The following GPR180 variants were observed in gnomAD, a reference collection of about 807,000 sequenced individuals.
GPR180 encodes G protein-coupled receptor 180.
In GPR180, 53 loss-of-function variants were observed where a neutral mutation model predicts 52.6. The observed-to-expected ratio is 1.01, with a 90% CI of 0.81 to 1.27. GPR180 has a LOEUF of 1.27. Among genes scored for constraint, GPR180 ranks in the 50% most tolerant of loss-of-function variants. GPR180 has a pLI of 0.00. For synonymous variants in GPR180, 200 were observed against 193.1 expected, an observed-to-expected ratio of 1.04 and a Z score of -0.30; for missense variants, 533 against 527.0, an observed-to-expected ratio of 1.01 and a Z score of -0.11.
rs1889818997 is a variant in GPR180, at chr13:94,619,172, C to T, written c.528C>T (p.Leu176=). 1 of 1,613,600 alleles carries T rather than the reference C, an allele frequency of 6.2e-7. No homozygotes were observed. The highest frequency in any genetic ancestry group is 1.3e-5 in the African/African-American group (1 of 75,010). The change falls in exon 4 of 9, where the codon CTC becomes CTT. Residue 176 remains leucine, a synonymous_variant. Coordinates refer to ENST00000376958, the MANE Select transcript of GPR180 (RefSeq NM_180989.6). ...CAGGGTTACATGAGTTCTTTTTCCT[C>T]CTAGTCCTAGTGTACTTTGTGATTG... The part of the protein sequence containing the change: ...GESGLHEFFF[L]LVLVYFVIAC...
At chr13:94,621,490 C>T (rs1438755688) in intron 6 of GPR180, among the ~76,000 whole-genome samples, 3 of 152,092 alleles carry the variant, frequency 2.0e-5, no homozygotes, top group African/African-American at 7.2e-5. Flanking sequence ...AATTTGAGCT[C>T]CTATCAGCTT....
At chr13:94,604,314 A>G (rs567584340) in intron 1 of GPR180, among the ~76,000 whole-genome samples, 3 of 150,560 alleles carry the variant, frequency 2.0e-5, no homozygotes, top group East Asian at 2.0e-4. Context: ...AGCCTGGGCA[A>G]TAGGGCGAGA....
chr13:94,630,299 T>C lies in GPR180; in HGVS notation c.*3128T>C, dbSNP rs1889978199. 6.6e-6 allele frequency: 1 copy of C among 152,202 alleles called. No homozygotes were observed. The highest frequency in any genetic ancestry group is 2.4e-5 in the African/African-American group (1 of 41,440). 9.4% of individuals were successfully genotyped at this position (152,202 alleles called of 1,614,324 possible). A position where few individuals can be genotyped will look rare whatever the true frequency, so the allele number is the denominator to read the frequency against. ...TATGTGTTGTGCTGTAGGAGTGCCA[T>C]GAAGCCTGGAGGTGAGGAAAGAAGT... On this transcript the variant is annotated 3_prime_UTR_variant, in exon 9 of 9. Coordinates refer to ENST00000376958, the MANE Select transcript of GPR180 (RefSeq NM_180989.6).
chr13:94,627,288 C>A lies in GPR180; in HGVS notation c.*117C>A. ...GAAAACTTGAACAGCGAAAGCAGAG[C>A]ATGTTATTTATATAACTGCATTTAA... is the stretch of plus-strand genomic sequence containing the variant. On this transcript the variant is annotated 3_prime_UTR_variant, in exon 9 of 9. Transcript: ENST00000376958. The A allele has an allele frequency of 1.3e-6, 1 of 790,790 alleles. No homozygotes were observed. Among genetic ancestry groups the A allele is most frequent in the African/African-American group, 1.8e-5 (1 of 56,300 alleles). 49.0% of individuals were successfully genotyped at this position (790,790 alleles called of 1,614,324 possible).
intron 8 of GPR180, 85 bp downstream of exon 8, chr13:94,626,128 T>TAA: frequency 3.5e-6 from 3 of 855,244 alleles, no homozygotes; most frequent in Non-Finnish European, 5.5e-6. Flanking sequence ...GGGACCTATT[T>TAA]ATTTTTTAAG....
chr13:94,611,247 T>A (rs1889699993), intron 2 of GPR180, among the ~76,000 whole-genome samples: 1 of 152,198 alleles, frequency 6.6e-6, no homozygotes, highest in Non-Finnish European at 1.5e-5. Flanking sequence ...TTTTTTCTGC[T>A]TTTTGTACAC....
In GPR180 at chr13:94,605,466, T is replaced by A; in HGVS notation, c.221T>A (p.Phe74Tyr). The part of the protein sequence containing the change: ...AVGKEAKLYL[F>Y]QAQEWLKLQQ... ...GGAAAAGAAGCTAAACTCTACCTGT[T>A]CCAAGCCCAGGAATGGCTAAAGCTA... Residue 74 changes from phenylalanine (F) to tyrosine (Y), a missense_variant, in exon 2 of 9, where the codon TTC becomes TAC. Transcript: ENST00000376958. 2 of 1,614,096 alleles carry A rather than the reference T, an allele frequency of 1.2e-6. No individual in the cohort carries two copies. The highest frequency in any genetic ancestry group is 8.5e-7 in the Non-Finnish European group (1 of 1,179,946).
At chr13:94,626,104 ATATTT>A (rs1312846001) in intron 8 of GPR180, 61 bp downstream of exon 8, 1 of 1,140,700 alleles carries the variant, frequency 8.8e-7, no homozygotes, top group African/African-American at 1.5e-5. Flanking sequence ...AATTGGGAGA[ATATTT>A]AAATAGGAGG....
intron 3 of GPR180, among the ~76,000 whole-genome samples, chr13:94,618,946 A>T (rs1187197681): frequency 6.6e-6 from 1 of 152,152 alleles, no homozygotes; most frequent in Non-Finnish European, 1.5e-5. Context: ...GTTTGGTTTA[A>T]TCTGCTTTCT....
At chr13:94,622,418 G>A (rs1192667672) in intron 6 of GPR180, among the ~76,000 whole-genome samples, 1 of 152,108 alleles carries the variant, frequency 6.6e-6, no homozygotes, top group East Asian at 1.9e-4. Context: ...GAACATTTAT[G>A]AAGAATACAT....
chr13:94,609,299 A>T (rs1889672791), intron 2 of GPR180, among the ~76,000 whole-genome samples: 1 of 152,176 alleles, frequency 6.6e-6, no homozygotes, highest in African/African-American at 2.4e-5. Context: ...TTAATATTTG[A>T]GGTACTAATT....
rs988854445 is a variant in GPR180, at chr13:94,634,370, AT to A, written c.*7205del. ...GAAACTAGTACGAAATGCCTTTCTG[AT>A]TTTTTAAAACTTGTATACATATATA... is the stretch of plus-strand genomic sequence containing the variant. On this transcript the variant is annotated 3_prime_UTR_variant, in exon 9 of 9. Transcript: ENST00000376958. 12 of 152,108 alleles carry A rather than the reference AT, an allele frequency of 7.9e-5. No homozygotes were observed. The highest frequency in any genetic ancestry group is 3.3e-4 in the Admixed American group (5 of 15,268). The allele number at this position is 152,108 out of a possible 1,614,324, so 9.4% of individuals were successfully genotyped here.
Position 94,631,415 on chromosome 13 carries a change from G to T in GPR180, c.*4244G>T, listed in dbSNP as rs1266020806. The T allele has an allele frequency of 6.6e-6, 1 of 151,508 alleles. No individual in the cohort carries two copies. The highest frequency in any genetic ancestry group is 6.6e-5 in the Admixed American group (1 of 15,212). 9.4% of individuals were successfully genotyped at this position (151,508 alleles called of 1,614,324 possible). On this transcript the variant is annotated 3_prime_UTR_variant, in exon 9 of 9. Coordinates refer to ENST00000376958, the MANE Select transcript of GPR180 (RefSeq NM_180989.6). ...TGTGTATGTGTATTAGATCCTAGTG[G>T]TTCTTTTCTGATCAGACCCTGATTA...
rs752697364 is a variant in GPR180 at position 94,621,192 on chromosome 13, C to T, written c.851C>T (p.Thr284Met). Reference sequence around the variant, plus strand: ...AGCAGACCTCTCCAGTGGGATTCTACGCCTGCATCCACTGGCATTGCAGTA... The same window carrying T: ...AGCAGACCTCTCCAGTGGGATTCTATGCCTGCATCCACTGGCATTGCAGTA... ...SQSRPLQWDS[T>M]PASTGIAVFI... The change falls in exon 6 of 9, where the codon ACG becomes ATG. Residue 284 changes from threonine (T) to methionine (M), a missense_variant. Coordinates refer to ENST00000376958, the MANE Select transcript of GPR180 (RefSeq NM_180989.6). The T allele has an allele frequency of 9.3e-6, 15 of 1,609,838 alleles. No homozygotes were observed. Among genetic ancestry groups the T allele is most frequent in the East Asian group, 2.2e-5 (1 of 44,662 alleles).
intron 7 of GPR180, among the ~76,000 whole-genome samples, chr13:94,624,738 T>A (rs1284984093): frequency 2.0e-5 from 3 of 152,186 alleles, no homozygotes; most frequent in Non-Finnish European, 4.4e-5. Flanking sequence ...GAGACGGGGT[T>A]TCACCGTGTT....
At position 94,627,268 on chromosome 13, in the gene GPR180, C is replaced by T. The variant is rs1889941070; in HGVS notation, c.*97C>T. The T allele has an allele frequency of 3.0e-6, 3 of 984,988 alleles. No individual in the cohort carries two copies. Among genetic ancestry groups the T allele is most frequent in the East Asian group, 2.5e-5 (1 of 40,224 alleles). 61.0% of individuals were successfully genotyped at this position (984,988 alleles called of 1,614,324 possible). A position where few individuals can be genotyped will look rare whatever the true frequency, so the allele number is the denominator to read the frequency against. On this transcript the variant is annotated 3_prime_UTR_variant, in exon 9 of 9. Transcript: ENST00000376958. The stretch of plus-strand genomic sequence containing the variant: ...TTTTTTCATACATTTAGTATGAAAA[C>T]TTGAACAGCGAAAGCAGAGCATGTT...
chr13:94,608,757 C>T (rs925133649), intron 2 of GPR180, among the ~76,000 whole-genome samples: 1 of 152,178 alleles, frequency 6.6e-6, no homozygotes, highest in Non-Finnish European at 1.5e-5. Context: ...AACAGCCTTT[C>T]ACCTATTTGG....
intron 3 of GPR180, among the ~76,000 whole-genome samples, chr13:94,613,448 A>G (rs1889738616): frequency 6.6e-6 from 1 of 152,012 alleles, no homozygotes; most frequent in Non-Finnish European, 1.5e-5. Context: ...TGGTGTGCTA[A>G]TTTTTTTTAT....
chr13:94,609,907 GACT>G (rs1889682584), intron 2 of GPR180, among the ~76,000 whole-genome samples: 1 of 151,968 alleles, frequency 6.6e-6, no homozygotes, highest in South Asian at 2.1e-4. Flanking sequence ...TTCAAATCCT[GACT>G]ACATCTGTAT....
Sources: allele counts gnomAD v4.1 joint callset (sites outside exome capture counted in the v4.1 genomes callset), GRCh38; gene constraint gnomAD v4.1.1; transcripts MANE v1.5; gene names NCBI Gene and HGNC (gene_info 2026-07-23, HGNC 2026-07-21).